TRPM1: variants seen among roughly 807,000 people sequenced by gnomAD.
The protein encoded by TRPM1 is TRPM1-203 APA Isoform, Intron 10.
TRPM1 carries 113 observed loss-of-function variants against 149.4 expected under a neutral mutation model. The observed-to-expected ratio is 0.76, with a 90% CI of 0.65 to 0.88. TRPM1 has a LOEUF of 0.88. Among genes scored for constraint, TRPM1 ranks in the 40% least tolerant of loss-of-function variants. The probability of loss-of-function intolerance (pLI) is 0.00; values close to 1 mark genes in which losing one functional copy is unlikely to be tolerated. For missense variants in TRPM1, 1,976 were observed against 2,038.7 expected, an observed-to-expected ratio of 0.97 and a Z score of 0.59; for synonymous variants, 741 against 759.5, an observed-to-expected ratio of 0.98 and a Z score of 0.40.
At chr15:31,062,474 G>A (rs1171444217) in intron 9 of TRPM1, 105 bp downstream of exon 9, 23 of 1,457,558 alleles carry the variant, frequency 1.6e-5, no homozygotes, top group African/African-American at 4.2e-5. Flanking sequence ...AGAAAAGGCC[G>A]GACTAAAATA....
upstream of TRPM1, among the ~76,000 whole-genome samples, chr15:31,106,134 T>G (rs1468589144): frequency 7.9e-6 from 1 of 126,552 alleles, no homozygotes; most frequent in Non-Finnish European, 1.6e-5. Flanking sequence ...GTAAACCTTT[T>G]TCTTTTCTTT....
At position 31,002,610 on chromosome 15, in the gene TRPM1, C is replaced by A; in HGVS notation, c.4090G>T (p.Ala1364Ser). 1.9e-6 allele frequency: 3 copies of A among 1,614,180 alleles called. No homozygotes were observed. Among genetic ancestry groups the A allele is most frequent in the Non-Finnish European group, 2.5e-6 (3 of 1,180,032 alleles). ...TSATPDGSHL[A>S]VDDLKNAEES... The stretch of plus-strand genomic sequence containing the variant: ...TCAGCGTTCTTTAAGTCATCTACTG[C>A]AAGGTGACTGCCATCTGGGGTTGCT... Residue 1364 changes from alanine (A) to serine (S), a missense_variant, in exon 28 of 28, where the codon GCA becomes TCA. Coordinates refer to ENST00000256552, the MANE Select transcript of TRPM1 (RefSeq NM_001252024.2).
At position 31,040,396 on chromosome 15, in the gene TRPM1, G is replaced by A. The variant is rs780155384; in HGVS notation, c.2088-50C>T. The A allele has an allele frequency of 6.6e-7, 1 of 1,519,526 alleles. No homozygotes were observed. The highest frequency in any genetic ancestry group is 1.1e-5 in the South Asian group (1 of 88,986). The allele number at this position is 1,519,526 out of a possible 1,614,324, so 94.1% of individuals were successfully genotyped here. On this transcript the variant is annotated intron_variant, in intron 17 of 27. Transcript: ENST00000256552. The surrounding 1 kb of genome is among the most constrained non-coding windows in gnomAD (Gnocchi z 4.2). ...GGTGAAGCCACAGTGGCCGCAAGCTGTTTCTTAGACAGGCATATCCACCAA... is the reference window on the plus strand; with the variant it reads ...GGTGAAGCCACAGTGGCCGCAAGCTATTTCTTAGACAGGCATATCCACCAA...
chr15:31,054,317 C>T (rs138921623), intron 11 of TRPM1, among the ~76,000 whole-genome samples: 324 of 151,898 alleles, frequency 2.1e-3, no homozygotes, highest in African/African-American at 7.3e-3. Context: ...TTTTTTGAGA[C>T]GGAGTTTTGT....
chr15:31,133,280 A>G (rs999451316), intron 1 of TRPM1, among the ~76,000 whole-genome samples: 3 of 151,710 alleles, frequency 2.0e-5, no homozygotes, highest in Admixed American at 6.6e-5. Flanking sequence ...TCTACTAAAA[A>G]TACAAAAAAT....
chr15:31,067,276 C>T, intron 5 of TRPM1, 89 bp from the exon 6 acceptor site: 1 of 1,569,936 alleles, frequency 6.4e-7, no homozygotes, highest in Non-Finnish European at 8.8e-7. Flanking sequence ...CCCTGAGTCC[C>T]TACATTCCCT....
At chr15:31,132,926 C>G (rs1277487148) in intron 1 of TRPM1, among the ~76,000 whole-genome samples, 1 of 152,188 alleles carries the variant, frequency 6.6e-6, no homozygotes, top group Non-Finnish European at 1.5e-5. Flanking sequence ...ATTATGAGGC[C>G]TCCCCAGCCA....
chr15:31,133,912 G>T (rs2036053975), intron 1 of TRPM1, among the ~76,000 whole-genome samples: 1 of 152,146 alleles, frequency 6.6e-6, no homozygotes, highest in Non-Finnish European at 1.5e-5. Flanking sequence ...AATCATATAG[G>T]GCAGTGATAA....
In TRPM1 at chr15:31,047,221, G is replaced by C; in HGVS notation, c.1654C>G (p.Leu552Val). Residue 552 changes from leucine to valine, a missense_variant, in exon 15 of 28, where the codon CTC becomes GTC. Leu to Val is a conservative substitution (Grantham distance 32, BLOSUM62 1). Coordinates refer to ENST00000256552, the MANE Select transcript of TRPM1 (RefSeq NM_001252024.2). ...SNLPPDYHIS[L>V]IDIGLVLEYL... ...TCCAGCACGAGCCCGATGTCTATGA[G>C]GCTGATGTGGTAATCAGGCGGAAGG... The C allele has an allele frequency of 6.2e-7, 1 of 1,614,216 alleles. No homozygotes were observed. Among genetic ancestry groups the C allele is most frequent in the Non-Finnish European group, 8.5e-7 (1 of 1,180,048 alleles).
At chr15:31,031,345 A>G (rs2033069564) in intron 22 of TRPM1, 188 bp from the exon 23 acceptor site, 5 of 639,006 alleles carry the variant, frequency 7.8e-6, no homozygotes, top group Non-Finnish European at 1.4e-5. Context: ...CTTTATGCCT[A>G]GAATGTCTTC....
intron 11 of TRPM1, chr15:31,060,154 C>T: frequency 2.8e-6 from 1 of 360,452 alleles, no homozygotes; most frequent in Admixed American, 4.0e-5. Context: ...CATAAACACA[C>T]ACACACACAG....
chr15:31,087,231 ATTTTTTTT>A (rs58872566), intron 1 of TRPM1, among the ~76,000 whole-genome samples: 50 of 59,444 alleles, frequency 8.4e-4, no homozygotes, highest in African/African-American at 2.1e-3. Flanking sequence ...CTCAATAGGG[ATTTTTTTT>A]TTTTTTTTTT....
intron 1 of TRPM1, among the ~76,000 whole-genome samples, chr15:31,127,536 G>A (rs12902544): frequency 0.52 from 79,784 of 152,066 alleles, 21,634 homozygotes; most frequent in African/African-American, 0.59. Context: ...GGGCAGCCCA[G>A]GACAGGGAGG....
chr15:31,066,185 G>C lies in TRPM1; in HGVS notation c.681C>G (p.Ser227=). The C allele has an allele frequency of 6.2e-7, 1 of 1,614,102 alleles. No individual in the cohort carries two copies. Residue 227 remains serine, a synonymous_variant, in exon 7 of 28, where the codon TCC becomes TCG. Coordinates refer to ENST00000256552, the MANE Select transcript of TRPM1 (RefSeq NM_001252024.2). The part of the protein sequence containing the change: ...PLSKLSVLNN[S]HTHFILADNG... Reference sequence around the variant, plus strand: ...TGTCAGCCAGGATGAAGTGGGTGTGGGAGTTGTTGAGCACAGAGAGCTTAC... The same window carrying C: ...TGTCAGCCAGGATGAAGTGGGTGTGCGAGTTGTTGAGCACAGAGAGCTTAC...
At chr15:31,101,814 G>T, upstream of TRPM1, 1 of 734,892 alleles carries the variant, frequency 1.4e-6, no homozygotes, top group Non-Finnish European at 1.7e-6. Context: ...TGATTGCTGT[G>T]AAGCGATGGC....
At position 31,012,976 on chromosome 15, in the gene TRPM1, C is replaced by CT. The variant is rs1191852074; in HGVS notation, c.3630-9907dup. ...TCCCTTCCTTCATTTCTTTCTTTTT[C>CT]TTTTTTTTTTTCTTTTTTTTTTTTG... On this transcript the variant is annotated intron_variant, in intron 27 of 27. Coordinates refer to ENST00000256552, the MANE Select transcript of TRPM1 (RefSeq NM_001252024.2). Among the ~76,000 whole-genome samples the CT allele has an allele frequency of 9.5e-3, 1,137 of 119,630 alleles. 4 individuals are homozygous for CT. The highest frequency in any genetic ancestry group is 0.013 in the African/African-American group (386 of 29,390). 78.5% of individuals were successfully genotyped at this position (119,630 alleles called of 152,430 possible).
intron 17 of TRPM1, among the ~76,000 whole-genome samples, chr15:31,041,264 C>G (rs1341143796): frequency 1.3e-5 from 2 of 152,040 alleles, no homozygotes; most frequent in African/African-American, 4.8e-5. Context: ...ACGCCTTTCT[C>G]CTGCCTCAGC....
At chr15:31,153,675 C>T (rs1479680775) in intron 1 of TRPM1, among the ~76,000 whole-genome samples, 1 of 152,158 alleles carries the variant, frequency 6.6e-6, no homozygotes, top group Non-Finnish European at 1.5e-5. Flanking sequence ...GTCAGAAAAT[C>T]TGTGAATCCA....
In TRPM1 at chr15:31,081,311, G is replaced by C. The variant is rs375900905; in HGVS notation, c.3+42C>G. 3.5e-4 allele frequency: 408 copies of C among 1,149,982 alleles called. 1 individual carries two copies. The African/African-American group carries it at 5.5e-3, about 16-fold the overall frequency. 71.2% of individuals were successfully genotyped at this position (1,149,982 alleles called of 1,614,324 possible). A position where few individuals can be genotyped will look rare whatever the true frequency, so the allele number is the denominator to read the frequency against. The stretch of plus-strand genomic sequence containing the variant: ...ATGTGACTAACGTACTTTCTCAGGG[G>C]GGGAGGGGGGGAAGGTGGAAGTGCT... On this transcript the variant is annotated intron_variant, in intron 2 of 27. Transcript: ENST00000256552.
Sources: allele counts gnomAD v4.1 joint callset (sites outside exome capture counted in the v4.1 genomes callset), GRCh38; gene constraint gnomAD v4.1.1; non-coding constraint Gnocchi (gnomAD v3.1); transcripts MANE v1.5; gene names NCBI Gene and HGNC (gene_info 2026-07-23, HGNC 2026-07-21).